RGPD8: variants seen among roughly 807,000 people sequenced by gnomAD.
The protein encoded by RGPD8 is RANBP2-like and GRIP domain-containing protein 8.
A neutral mutation model predicts 89.1 loss-of-function variants in RGPD8; 15 were observed. The ratio of observed to expected loss-of-function variants is 0.17; its 90% CI spans 0.11 to 0.26. RGPD8 has a LOEUF of 0.26. Among genes scored for constraint, RGPD8 ranks in the 10% least tolerant of loss-of-function variants. The probability of loss-of-function intolerance (pLI) is 1.00; values close to 1 mark genes in which losing one functional copy is unlikely to be tolerated. For missense variants in RGPD8, 178 were observed against 1,179.6 expected, an observed-to-expected ratio of 0.15 and a Z score of 12.44; for synonymous variants, 62 against 420.9, an observed-to-expected ratio of 0.15 and a Z score of 10.44.
intron 1 of RGPD8, among the ~76,000 whole-genome samples, chr2:112,432,179 C>G: frequency 6.6e-6 from 1 of 152,176 alleles, no homozygotes; most frequent in Non-Finnish European, 1.5e-5. Context: ...CCTTTAATAG[C>G]TTCTTCCGTC....
chr2:112,417,166 A>G, intron 6 of RGPD8, 27 bp downstream of exon 6: 1 of 1,608,288 alleles, frequency 6.2e-7, no homozygotes, highest in South Asian at 1.1e-5. Context: ...AATTTATACT[A>G]AAGCATTCTC....
chr2:112,415,342 A>C (rs1189675749), intron 6 of RGPD8, among the ~76,000 whole-genome samples: 1 of 152,126 alleles, frequency 6.6e-6, no homozygotes, highest in Non-Finnish European at 1.5e-5. Context: ...CAAAGGGCCC[A>C]TGAGGCCTGA....
chr2:112,424,903 AGGG>A (rs1260725326), intron 1 of RGPD8, among the ~76,000 whole-genome samples: 1 of 148,106 alleles, frequency 6.8e-6, no homozygotes, highest in African/African-American at 2.5e-5. Flanking sequence ...TCCTGTCTCC[AGGG>A]GGAAAAAAAT....
chr2:112,409,851 C>T (rs1679096419), intron 7 of RGPD8, among the ~76,000 whole-genome samples: 1 of 135,596 alleles, frequency 7.4e-6, no homozygotes, highest in Non-Finnish European at 1.5e-5. Context: ...GCAGCTCACA[C>T]CTATAATCCC....
At position 112,380,885 on chromosome 2, in the gene RGPD8, T is replaced by C. The variant is rs1281202876; in HGVS notation, c.5000A>G (p.His1667Arg). The C allele has an allele frequency of 7.4e-7, 1 of 1,343,146 alleles. No individual in the cohort carries two copies. The highest frequency in any genetic ancestry group is 1.0e-6 in the Non-Finnish European group (1 of 960,984). The allele number at this position is 1,343,146 out of a possible 1,614,324, so 83.2% of individuals were successfully genotyped here. Residue 1667 changes from histidine to arginine, a missense_variant, in exon 21 of 23, where the codon CAC becomes CGC. His to Arg is a conservative substitution (Grantham distance 29). Transcript: ENST00000302558. ...KLRSTTKSADHLNGLLREIEA... is the reference protein window; with the variant it reads ...KLRSTTKSADRLNGLLREIEA... ...TATTTCCCGAAGCAGGCCGTTTAAG[T>C]GATCTGCACTTTTTGTGGTGGAACG...
chr2:112,384,876 AAT>A (rs1168553133), intron 20 of RGPD8, among the ~76,000 whole-genome samples: 3 of 128,734 alleles, frequency 2.3e-5, no homozygotes, highest in Non-Finnish European at 4.9e-5. Flanking sequence ...GTGAACACAG[AAT>A]CTATTTAAAA....
chr2:112,380,650 C>CAAAAAAAAAAA (rs369818204), intron 21 of RGPD8, among the ~76,000 whole-genome samples, 174 bp downstream of exon 21: 9 of 109,422 alleles, frequency 8.2e-5, no homozygotes, highest in African/African-American at 2.3e-4. Context: ...AAGACTGTCT[C>CAAAAAAAAAAA]AAAAAAAAAA....
intron 6 of RGPD8, among the ~76,000 whole-genome samples, chr2:112,416,088 C>CAAAAAAAAAAAAAAAAAAAAAAACAA (rs1168507298): frequency 1.1e-5 from 1 of 88,914 alleles, no homozygotes; most frequent in African/African-American, 4.7e-5. Context: ...GACTCCATCT[C>CAAAAAAAAAAAAAAAAAAAAAAACAA]AAAAAAAAAA....
At chr2:112,386,059 TAGCTA>T (rs1442957113) in intron 20 of RGPD8, 4 of 123,568 alleles carry the variant, frequency 3.2e-5, no homozygotes, top group Non-Finnish European at 5.1e-5. Flanking sequence ...TATCATTTCC[TAGCTA>T]GGAGAAATAA....
At chr2:112,379,411 A>G in intron 21 of RGPD8, among the ~76,000 whole-genome samples, 1 of 150,258 alleles carries the variant, frequency 6.7e-6, no homozygotes, top group Non-Finnish European at 1.5e-5. Flanking sequence ...CCTGGCCAAC[A>G]TGGTGAAACT....
chr2:112,429,528 T>C, intron 1 of RGPD8, among the ~76,000 whole-genome samples: 1 of 149,598 alleles, frequency 6.7e-6, no homozygotes, highest in Non-Finnish European at 1.5e-5. Context: ...GAAGTATAGA[T>C]GTAAAGGGCA....
At chr2:112,427,779 A>C (rs1219270591) in intron 1 of RGPD8, among the ~76,000 whole-genome samples, 445 of 148,992 alleles carry the variant, frequency 3.0e-3, no homozygotes, top group African/African-American at 0.011. Flanking sequence ...ATCAGCTCCA[A>C]ATCTGTGGAG....
At chr2:112,427,121 T>C (rs1679804254) in intron 1 of RGPD8, among the ~76,000 whole-genome samples, 2 of 151,832 alleles carry the variant, frequency 1.3e-5, no homozygotes, top group Non-Finnish European at 1.5e-5. Flanking sequence ...AATGAAGAAA[T>C]AGATTCAAGG....
At chr2:112,432,945 C>G (rs1483491895) in intron 1 of RGPD8, among the ~76,000 whole-genome samples, 8 of 144,758 alleles carry the variant, frequency 5.5e-5, no homozygotes, top group African/African-American at 2.0e-4. Context: ...CCTGACCCAT[C>G]GAGGCCGCCG....
chr2:112,381,632 T>C (rs1370959599), intron 20 of RGPD8, among the ~76,000 whole-genome samples: 3 of 138,922 alleles, frequency 2.2e-5, no homozygotes, highest in African/African-American at 7.9e-5. Context: ...TTTTGAACAG[T>C]AATATTAATT....
At chr2:112,399,412 CA>C in intron 14 of RGPD8, 43 bp from the exon 15 acceptor site, 1 of 314,778 alleles carries the variant, frequency 3.2e-6, no homozygotes, top group Non-Finnish European at 5.2e-6. Flanking sequence ...CTTTTTAAAA[CA>C]AAAAACTTTC....
At chr2:112,409,599 C>A (rs1378523900) in intron 7 of RGPD8, among the ~76,000 whole-genome samples, 4 of 147,960 alleles carry the variant, frequency 2.7e-5, no homozygotes, top group Non-Finnish European at 5.9e-5. Flanking sequence ...GAGTTCAAGA[C>A]CAACCAGCCT....
intron 6 of RGPD8, among the ~76,000 whole-genome samples, chr2:112,414,006 TGA>T (rs1225369832): frequency 9.1e-5 from 12 of 131,724 alleles, no homozygotes; most frequent in African/African-American, 3.8e-4. Context: ...CCCGCTGAGC[TGA>T]GTTTTCTAGA....
Position 112,417,174 on chromosome 2 carries a change from C to A in RGPD8, c.782+19G>T, listed in dbSNP as rs1273367452. The A allele has an allele frequency of 1.2e-6, 2 of 1,608,426 alleles. No homozygotes were observed. Among genetic ancestry groups the A allele is most frequent in the Non-Finnish European group, 1.7e-6 (2 of 1,179,828 alleles). On this transcript the variant is annotated intron_variant, in intron 6 of 22. Coordinates refer to ENST00000302558, the MANE Select transcript of RGPD8 (RefSeq NM_001164463.1). Reference sequence around the variant, plus strand: ...AAACTGCAATTTATACTAAAGCATTCTCCTCAAAGTCTACGCACCTTTCCA... The same window carrying A: ...AAACTGCAATTTATACTAAAGCATTATCCTCAAAGTCTACGCACCTTTCCA...
Sources: gnomAD v4.1 joint callset for allele counts (sites outside exome capture counted in the v4.1 genomes callset) on GRCh38, gnomAD v4.1.1 for gene constraint, MANE v1.5 for transcripts, NCBI Gene and HGNC (gene_info 2026-07-23, HGNC 2026-07-21) for gene names.